TFCP2: variants seen among roughly 807,000 people sequenced by gnomAD.
The protein encoded by TFCP2 is transcription factor CP2, also known as alpha-globin transcription factor CP2.
Under a neutral mutation model 73.4 loss-of-function variants are expected in TFCP2, and 33 were observed. The observed-to-expected ratio is 0.45, with a 90% CI of 0.34 to 0.60. The LOEUF (loss-of-function observed/expected upper bound fraction) is 0.60. TFCP2 is among the 20% of genes least tolerant of loss of function. The pLI is 0.01. For missense variants in TFCP2, 352 were observed against 604.0 expected (o/e 0.58, Z 4.37); for synonymous variants, 193 against 211.6 (o/e 0.91, Z 0.76).
rs145772859 is a variant in TFCP2 at position 51,127,093 on chromosome 12, G to T, written c.123-8321C>A. 3.9e-3 allele frequency among the ~76,000 whole-genome samples: 599 copies of T among 152,288 alleles called. 21 individuals are homozygous for T. Among genetic ancestry groups the T allele is most frequent in the Admixed American group, 0.035 (535 of 15,292 alleles). ...CTATCATCCAGAAGGTAGAAGAAAT[G>T]AGTAGAATTATAATTTGGAACCTAA... On this transcript the variant is annotated intron_variant, in intron 1 of 14. Coordinates refer to ENST00000257915, the MANE Select transcript of TFCP2 (RefSeq NM_005653.5).
chr12:51,139,608 C>T (rs1941143206), intron 1 of TFCP2, among the ~76,000 whole-genome samples: 1 of 152,022 alleles, frequency 6.6e-6, no homozygotes, highest in African/African-American at 2.4e-5. Flanking sequence ...GAACTCCTGG[C>T]CTCTCAGGAT....
intron 1 of TFCP2, among the ~76,000 whole-genome samples, chr12:51,136,668 G>C (rs1017536284): frequency 6.6e-6 from 1 of 152,134 alleles, no homozygotes; most frequent in Non-Finnish European, 1.5e-5. Context: ...GGGCACTGTG[G>C]TTCACGCCTA....
chr12:51,104,735 G>A (rs374187308), intron 8 of TFCP2, among the ~76,000 whole-genome samples: 3 of 148,654 alleles, frequency 2.0e-5, no homozygotes, highest in African/African-American at 5.0e-5. Context: ...TTTTTGAGAC[G>A]GAGTCTCGCT....
At position 51,095,232 on chromosome 12, in the gene TFCP2, G is replaced by C. The variant is rs376088787; in HGVS notation, c.*9C>G. 2.9e-5 allele frequency: 46 copies of C among 1,613,932 alleles called. No homozygotes were observed. The highest frequency in any genetic ancestry group is 3.8e-5 in the Non-Finnish European group (45 of 1,179,948). ...AAGGAGCAGCCACTGGGCACGAAAC[G>C]CCGCACTCCTACTTCAGTATGATAT... On this transcript the variant is annotated 3_prime_UTR_variant, in exon 15 of 15. Coordinates refer to ENST00000257915, the MANE Select transcript of TFCP2 (RefSeq NM_005653.5).
rs539743319 is a variant in TFCP2 at position 51,129,111 on chromosome 12, G to A, written c.123-10339C>T. On this transcript the variant is annotated intron_variant, in intron 1 of 14. Coordinates refer to ENST00000257915, the MANE Select transcript of TFCP2 (RefSeq NM_005653.5). ...ACAGCTGCCAAAATCACTGGTATCA[G>A]GTTTCATTAAAAACAAAGTCTGAAT... 3.9e-4 allele frequency among the ~76,000 whole-genome samples: 60 copies of A among 152,174 alleles called. 2 individuals carry two copies. The South Asian group carries it at 0.012, about 32-fold the overall frequency.
chr12:51,106,375 G>T, intron 8 of TFCP2, 150 bp downstream of exon 8: 1 of 560,108 alleles, frequency 1.8e-6, no homozygotes. Context: ...CTCTTTTGAA[G>T]CTACTCCAAA....
chr12:51,170,339 C>CTTTTTT (rs1330594405), intron 1 of TFCP2, among the ~76,000 whole-genome samples: 22 of 108,612 alleles, frequency 2.0e-4, no homozygotes, highest in African/African-American at 8.5e-4. Flanking sequence ...TTTTTAAAAT[C>CTTTTTT]TTTCTTTTTT....
chr12:51,140,445 C>CTTTTT lies in TFCP2; in HGVS notation c.123-21678_123-21674dup, dbSNP rs768526922. On this transcript the variant is annotated intron_variant, in intron 1 of 14. Coordinates refer to ENST00000257915, the MANE Select transcript of TFCP2 (RefSeq NM_005653.5). ...TCTTTTCTATCTTTCTTTTCTTTTT[C>CTTTTT]TTTTTTTTTTTTTTTTTTTTTGTAG... Among the ~76,000 whole-genome samples, 370 of 88,034 alleles carry CTTTTT rather than the reference C, an allele frequency of 4.2e-3. 1 individual carries two copies. Among genetic ancestry groups the CTTTTT allele is most frequent in the East Asian group, 0.012 (33 of 2,730 alleles). The allele number at this position is 88,034 out of a possible 152,430, so 57.8% of individuals were successfully genotyped here. A position where few individuals can be genotyped will look rare whatever the true frequency, so the allele number is the denominator to read the frequency against.
rs1941879248 is a variant in TFCP2 at position 51,172,366 on chromosome 12, C to A, written c.57G>T (p.Val19=). ...LADEVIESGL[V]QDFDASLSGI... Reference sequence around the variant, plus strand: ...CGGACAGGCTAGCATCAAAGTCCTGCACCAACCCGGATTCAATCACTTCGT... The same window carrying A: ...CGGACAGGCTAGCATCAAAGTCCTGAACCAACCCGGATTCAATCACTTCGT... Residue 19 remains valine (V), a synonymous_variant, in exon 1 of 15, where the codon GTG becomes GTT. Coordinates refer to ENST00000257915, the MANE Select transcript of TFCP2 (RefSeq NM_005653.5). 1.2e-6 allele frequency: 2 copies of A among 1,614,154 alleles called. No individual in the cohort carries two copies. The highest frequency in any genetic ancestry group is 4.5e-5 in the East Asian group (2 of 44,878).
chr12:51,168,654 T>A (rs914898511), intron 1 of TFCP2, among the ~76,000 whole-genome samples: 10 of 151,990 alleles, frequency 6.6e-5, no homozygotes, highest in Non-Finnish European at 1.5e-4. Flanking sequence ...TCAGCTAATT[T>A]TTTTATTTTT....
At chr12:51,100,098 T>C (rs944688838) in intron 11 of TFCP2, among the ~76,000 whole-genome samples, 13 of 152,328 alleles carry the variant, frequency 8.5e-5, no homozygotes, top group African/African-American at 3.1e-4. Context: ...ATGATGCATA[T>C]ATTCTTCACT....
At chr12:51,136,042 C>T (rs1461737939) in intron 1 of TFCP2, among the ~76,000 whole-genome samples, 2 of 152,138 alleles carry the variant, frequency 1.3e-5, no homozygotes, top group Non-Finnish European at 2.9e-5. Flanking sequence ...CGCGGTGGCT[C>T]ATGCCTGTAA....
intron 4 of TFCP2, among the ~76,000 whole-genome samples, chr12:51,112,115 C>T (rs12810596): frequency 0.16 from 24,621 of 150,816 alleles, 2,208 homozygotes; most frequent in South Asian, 0.26. Flanking sequence ...GCCAGTATTG[C>T]GCCACTGTGC....
rs141532485 is a variant in TFCP2 at position 51,152,589 on chromosome 12, C to T, written c.122+19712G>A. Among the ~76,000 whole-genome samples, 439 of 152,126 alleles carry T rather than the reference C, an allele frequency of 2.9e-3. 4 individuals carry two copies. The highest frequency in any genetic ancestry group is 9.2e-3 in the African/African-American group (383 of 41,510). ...AACTGAAGTATTTAGGTGTTTGGGG[C>T]GCCACATCTGCCTTTTACCTTTAAA... On this transcript the variant is annotated intron_variant, in intron 1 of 14. Transcript: ENST00000257915.
chr12:51,138,513 G>A (rs1212377116), intron 1 of TFCP2, among the ~76,000 whole-genome samples: 1 of 152,026 alleles, frequency 6.6e-6, no homozygotes, highest in Non-Finnish European at 1.5e-5. Context: ...AATCCTGAAA[G>A]TACCAGAATA....
chr12:51,152,568 G>C (rs1941452078), intron 1 of TFCP2, among the ~76,000 whole-genome samples: 1 of 152,172 alleles, frequency 6.6e-6, no homozygotes, highest in Non-Finnish European at 1.5e-5. Context: ...AATACAAACT[G>C]AAGTATTTAG....
At chr12:51,127,708 G>A (rs1940844898) in intron 1 of TFCP2, among the ~76,000 whole-genome samples, 1 of 152,182 alleles carries the variant, frequency 6.6e-6, no homozygotes, top group African/African-American at 2.4e-5. Context: ...ATTAGGAAAA[G>A]TGGATTAGTG....
At chr12:51,161,462 C>T (rs543706273) in intron 1 of TFCP2, among the ~76,000 whole-genome samples, 1 of 151,758 alleles carries the variant, frequency 6.6e-6, no homozygotes, top group South Asian at 2.1e-4. Flanking sequence ...GGGTGGATCA[C>T]GAGGTCAGGA....
chr12:51,159,346 A>T (rs952849347), intron 1 of TFCP2, among the ~76,000 whole-genome samples: 9 of 149,480 alleles, frequency 6.0e-5, no homozygotes, highest in African/African-American at 1.5e-4. Flanking sequence ...TTTATTTTTT[A>T]TTTTTTTTTG....
Sources: allele counts gnomAD v4.1 joint callset (sites outside exome capture counted in the v4.1 genomes callset), GRCh38; gene constraint gnomAD v4.1.1; transcripts MANE v1.5; gene names NCBI Gene and HGNC (gene_info 2026-07-23, HGNC 2026-07-21).